Variants in CAMTA1 observed in about 807,000 individuals in gnomAD.
CAMTA1 encodes the protein calmodulin-binding transcription activator 1.
A neutral mutation model predicts 170.9 loss-of-function variants in CAMTA1; 27 were observed. That is an observed-to-expected ratio of 0.16 (90% confidence interval 0.12 to 0.22). The LOEUF (loss-of-function observed/expected upper bound fraction) is 0.22, where lower values mean the gene tolerates loss of function less well. CAMTA1 is among the 10% of genes least tolerant of loss of function. The pLI, the probability that CAMTA1 is intolerant of heterozygous loss-of-function variation, is 1.00. For missense variants in CAMTA1, 1,619 were observed against 2,217.2 expected, an observed-to-expected ratio of 0.73 and a Z score of 5.42; for synonymous variants, 833 against 891.5, an observed-to-expected ratio of 0.93 and a Z score of 1.17.
At chr1:7,135,383 C>T (rs757247565) in intron 4 of CAMTA1, among the ~76,000 whole-genome samples, 9 of 151,976 alleles carry the variant, frequency 5.9e-5, no homozygotes, top group South Asian at 2.1e-4. Flanking sequence ...AGAGAAACTC[C>T]GTCTCAAAAT....
chr1:7,481,623 CG>C (rs2093536023), intron 6 of CAMTA1, among the ~76,000 whole-genome samples: 1 of 152,170 alleles, frequency 6.6e-6, no homozygotes, highest in Admixed American at 6.5e-5. Context: ...TACACACACC[CG>C]TACAGCTGCC....
At chr1:7,509,018 C>G (rs915856178) in intron 6 of CAMTA1, among the ~76,000 whole-genome samples, 1 of 152,168 alleles carries the variant, frequency 6.6e-6, no homozygotes, top group Non-Finnish European at 1.5e-5. Context: ...CAAGCCTGGG[C>G]CTCCCTTCCC....
intron 6 of CAMTA1, among the ~76,000 whole-genome samples, chr1:7,485,231 C>A (rs2093602346): frequency 6.6e-6 from 1 of 152,194 alleles, no homozygotes. Context: ...GCGCGCATTA[C>A]ATAGCTGCAG....
chr1:7,416,722 G>A lies in CAMTA1; in HGVS notation c.439-51108G>A, dbSNP rs556720875. 1.5e-4 allele frequency among the ~76,000 whole-genome samples: 23 copies of A among 152,218 alleles called. No individual in the cohort carries two copies. The East Asian group carries it at 3.9e-3, about 26-fold the overall frequency. ...TGGTTTGAATTTCCTCCTGTAGCTC[G>A]GAGTAGTTTGATTGTCTGAAGACTT... is the stretch of plus-strand genomic sequence containing the variant. On this transcript the variant is annotated intron_variant, in intron 5 of 22. Transcript: ENST00000303635.
Position 7,748,082 on chromosome 1 carries a change from T to G in CAMTA1, c.4689+301T>G, listed in dbSNP as rs537616390. ...CGTGTGCTACCATGCCCAGCTGATT[T>G]TTCTAGTTTTAGTAGAGTCGGGGTT... On this transcript the variant is annotated intron_variant, in intron 19 of 22. Coordinates refer to ENST00000303635, the MANE Select transcript of CAMTA1 (RefSeq NM_015215.4). This position sits in a 1 kb window ranked among gnomAD's most constrained non-coding sequence, Gnocchi z 4.7. Among the ~76,000 whole-genome samples, 5 of 152,108 alleles carry G rather than the reference T, an allele frequency of 3.3e-5. No homozygotes were observed. In the South Asian group the frequency reaches 1.0e-3, roughly 32 times the overall value.
chr1:6,937,558 ATCACCATTCACCACTTACCACCACCATCG>A (rs1264262353), intron 3 of CAMTA1, among the ~76,000 whole-genome samples: 3 of 98,460 alleles, frequency 3.0e-5, no homozygotes, highest in Non-Finnish European at 6.4e-5. Flanking sequence ...CACTACCATC[ATCACCATTCACCACTTACCACCACCATCG>A]TCACCATCAC....
intron 3 of CAMTA1, among the ~76,000 whole-genome samples, chr1:7,085,788 C>G (rs571733309): frequency 6.6e-6 from 1 of 152,384 alleles, no homozygotes; most frequent in South Asian, 2.1e-4. Context: ...TGGCTGGCTC[C>G]TGACATGGGC....
intron 3 of CAMTA1, among the ~76,000 whole-genome samples, chr1:7,005,654 A>G (rs2100696063): frequency 6.6e-6 from 1 of 152,328 alleles, no homozygotes; most frequent in Admixed American, 6.5e-5. Flanking sequence ...ACAAGGAAGT[A>G]TGGGATACAA....
chr1:7,468,488 C>T (rs776110590), intron 6 of CAMTA1, among the ~76,000 whole-genome samples: 2 of 152,188 alleles, frequency 1.3e-5, no homozygotes, highest in Admixed American at 6.5e-5. Flanking sequence ...TTGTGCACAG[C>T]GTTGCTGAAC....
intron 3 of CAMTA1, among the ~76,000 whole-genome samples, chr1:6,891,783 G>A (rs1019157974): frequency 6.6e-6 from 1 of 152,178 alleles, no homozygotes; most frequent in African/African-American, 2.4e-5. Flanking sequence ...ATTAGCATTA[G>A]TATATGAAAA....
chr1:6,899,281 G>C (rs1038129828), intron 3 of CAMTA1, among the ~76,000 whole-genome samples: 1 of 152,204 alleles, frequency 6.6e-6, no homozygotes, highest in African/African-American at 2.4e-5. Flanking sequence ...ACGTGAACAG[G>C]CTTTCTAAAA....
At chr1:7,328,652 T>C (rs545350406) in intron 5 of CAMTA1, among the ~76,000 whole-genome samples, 7 of 152,334 alleles carry the variant, frequency 4.6e-5, no homozygotes, top group African/African-American at 1.7e-4. Context: ...TTTCTCTCTG[T>C]ATTGGCTTCC....
chr1:7,706,664 A>T (rs1305130561), intron 11 of CAMTA1, among the ~76,000 whole-genome samples: 3 of 152,238 alleles, frequency 2.0e-5, no homozygotes, highest in Non-Finnish European at 2.9e-5. Context: ...ATTTACTTAC[A>T]GCGTATGCAT....
intron 4 of CAMTA1, among the ~76,000 whole-genome samples, chr1:7,185,976 C>T (rs1042069555): frequency 1.3e-5 from 2 of 152,148 alleles, no homozygotes; most frequent in African/African-American, 4.8e-5. Context: ...TTATAGGACG[C>T]TTGGTGAAAT....
At chr1:7,420,058 G>T (rs2091456303) in intron 5 of CAMTA1, among the ~76,000 whole-genome samples, 1 of 152,126 alleles carries the variant, frequency 6.6e-6, no homozygotes, top group African/African-American at 2.4e-5. Flanking sequence ...AAGCCACCAG[G>T]AGGAGGCTTT....
intron 6 of CAMTA1, among the ~76,000 whole-genome samples, chr1:7,495,426 G>A (rs1031150076): frequency 1.6e-4 from 25 of 152,180 alleles, no homozygotes; most frequent in Non-Finnish European, 2.2e-4. Flanking sequence ...ATCAGAGCCC[G>A]ATCTAAGATC....
At chr1:7,303,886 G>A (rs764567615) in intron 5 of CAMTA1, among the ~76,000 whole-genome samples, 6 of 152,152 alleles carry the variant, frequency 3.9e-5, no homozygotes, top group African/African-American at 1.4e-4. Context: ...AACAGCAAGC[G>A]AAAGCCTTTG....
intron 5 of CAMTA1, among the ~76,000 whole-genome samples, chr1:7,276,945 A>T (rs1670814890): frequency 6.6e-6 from 1 of 152,268 alleles, no homozygotes; most frequent in Non-Finnish European, 1.5e-5. Flanking sequence ...AAACAAAGAT[A>T]AAGAAAAATA....
chr1:7,606,226 A>T (rs2095485453), intron 6 of CAMTA1, among the ~76,000 whole-genome samples: 1 of 152,202 alleles, frequency 6.6e-6, no homozygotes, highest in South Asian at 2.1e-4. Context: ...GGGCTGACAG[A>T]TGCCTCTGTG....
Sources: allele counts gnomAD v4.1 joint callset (sites outside exome capture counted in the v4.1 genomes callset), GRCh38; gene constraint gnomAD v4.1.1; non-coding constraint Gnocchi (gnomAD v3.1); transcripts MANE v1.5; gene names NCBI Gene and HGNC (gene_info 2026-07-23, HGNC 2026-07-21).